NCAN: variants seen among roughly 807,000 people sequenced by gnomAD.
The protein encoded by NCAN is neurocan, also known as neurocan core protein.
NCAN carries 47 observed loss-of-function variants against 121.8 expected under a neutral mutation model. The observed-to-expected ratio is 0.39, with a 90% CI of 0.31 to 0.49. The LOEUF (loss-of-function observed/expected upper bound fraction) is 0.49, where lower values mean the gene tolerates loss of function less well. Among genes scored for constraint, NCAN ranks in the 20% least tolerant of loss-of-function variants. The probability of loss-of-function intolerance (pLI) is 0.92; values close to 1 mark genes in which losing one functional copy is unlikely to be tolerated. For missense variants in NCAN, 1,517 were observed against 1,773.4 expected, an observed-to-expected ratio of 0.86 and a Z score of 2.60; for synonymous variants, 633 against 702.0, an observed-to-expected ratio of 0.90 and a Z score of 1.55.
intron 13 of NCAN, among the ~76,000 whole-genome samples, chr19:19,246,361 G>A (rs1161810295): frequency 3.3e-5 from 5 of 152,134 alleles, no homozygotes; most frequent in African/African-American, 9.7e-5. Context: ...GTTGGTAAAT[G>A]TCAGTGCAGC....
chr19:19,223,361 T>C (rs904061376), intron 3 of NCAN, among the ~76,000 whole-genome samples: 1 of 152,332 alleles, frequency 6.6e-6, no homozygotes, highest in Non-Finnish European at 1.5e-5. Flanking sequence ...ATTTGCTGCG[T>C]GGGCCTGGAC....
rs142856081 is a variant in NCAN, at chr19:19,238,358, G to A, written c.3356G>A (p.Arg1119His). The change falls in exon 11 of 15, where the codon CGC (arginine) becomes CAC (histidine). Residue 1119 changes from arginine (R) to histidine (H), a missense_variant. Coordinates refer to ENST00000252575, the MANE Select transcript of NCAN (RefSeq NM_004386.3). ...GATGCCGAGAAGGACTGCCGCCGCC[G>A]CTCCGGCCACCTGACCAGCGTCCAC... ...WEDAEKDCRR[R>H]SGHLTSVHSP... is the part of the protein sequence containing the mutation. 15 of 1,614,062 alleles carry A rather than the reference G, an allele frequency of 9.3e-6. No homozygotes were observed. The highest frequency in any genetic ancestry group is 3.3e-5 in the Admixed American group (2 of 59,996).
In NCAN at chr19:19,219,029, T is replaced by C; in HGVS notation, c.188T>C (p.Leu63Pro). 1 of 1,611,302 alleles carries C rather than the reference T, an allele frequency of 6.2e-7. No individual in the cohort carries two copies. The highest frequency in any genetic ancestry group is 8.5e-7 in the Non-Finnish European group (1 of 1,178,440). Residue 63 changes from leucine to proline, a missense_variant, in exon 3 of 15, where the codon CTG becomes CCG. Transcript: ENST00000252575. ...ELVALPCLFT[L>P]QPRPSAARDA... is the part of the protein sequence containing the mutation. ...GTGGCCCTGCCCTGTCTCTTTACCC[T>C]GCAGCCACGGCCAAGCGCAGCCCGA... is the stretch of plus-strand genomic sequence containing the variant.
intron 13 of NCAN, among the ~76,000 whole-genome samples, chr19:19,246,778 G>A (rs1053128516): frequency 3.3e-5 from 5 of 152,036 alleles, no homozygotes; most frequent in African/African-American, 1.2e-4. Flanking sequence ...CTGACCTTAA[G>A]TAGTCTGCCT....
chr19:19,249,024 C>T, intron 14 of NCAN, 142 bp downstream of exon 14: 1 of 799,838 alleles, frequency 1.3e-6, no homozygotes, highest in Non-Finnish European at 2.0e-6. Context: ...AACTTACCAG[C>T]CTGTCTGATG....
At chr19:19,241,114 G>A (rs567293014) in intron 12 of NCAN, among the ~76,000 whole-genome samples, 1 of 152,158 alleles carries the variant, frequency 6.6e-6, no homozygotes, top group Non-Finnish European at 1.5e-5. Context: ...AAATTAGCTG[G>A]GTGTGGTGGC....
chr19:19,218,456 C>G (rs560351466), intron 2 of NCAN, among the ~76,000 whole-genome samples: 54 of 151,892 alleles, frequency 3.6e-4, no homozygotes, highest in African/African-American at 1.3e-3. Context: ...GAGTGAGACT[C>G]AATCTCTAAA....
intron 8 of NCAN, among the ~76,000 whole-genome samples, chr19:19,231,330 CTTTTTTTT>C: frequency 7.4e-6 from 1 of 134,758 alleles, no homozygotes; most frequent in East Asian, 2.2e-4. Context: ...CATGGGGTTT[CTTTTTTTT>C]TTTTTTTTGA....
rs545290348 is a variant in NCAN, at chr19:19,233,686, G to A, written c.3020-103G>A. On this transcript the variant is annotated intron_variant, in intron 8 of 14. Coordinates refer to ENST00000252575, the MANE Select transcript of NCAN (RefSeq NM_004386.3). ...GGGAAGTTATAAAGAGGGCTCCATAGAGAGGGTTTGATTAGAGTGGTTTGG... is the reference window on the plus strand; with the variant it reads ...GGGAAGTTATAAAGAGGGCTCCATAAAGAGGGTTTGATTAGAGTGGTTTGG... 836 of 727,082 alleles carry A rather than the reference G, an allele frequency of 1.1e-3. 11 individuals carry two copies. In the South Asian group the frequency reaches 0.012, roughly 10 times the overall value. The allele number at this position is 727,082 out of a possible 1,614,324, so 45.0% of individuals were successfully genotyped here.
Position 19,245,384 on chromosome 19 carries a change from G to A in NCAN, c.3564G>A (p.Val1188=), listed in dbSNP as rs2060920730. 2 of 1,614,096 alleles carry A rather than the reference G, an allele frequency of 1.2e-6. No homozygotes were observed. The highest frequency in any genetic ancestry group is 1.3e-5 in the African/African-American group (1 of 74,930). The change falls in exon 13 of 15, where the codon GTG becomes GTA. Residue 1188 remains valine (V), a synonymous_variant. Coordinates refer to ENST00000252575, the MANE Select transcript of NCAN (RefSeq NM_004386.3). ...GTGGCGAGGACTGTGTGGTGATGGT[G>A]GCGCATGAAAGCGGGCGCTGGAACG... is the stretch of plus-strand genomic sequence containing the variant. ...FAGGEDCVVM[V]AHESGRWNDV...
chr19:19,247,176 C>A (rs1315976994), intron 13 of NCAN, among the ~76,000 whole-genome samples: 1 of 151,818 alleles, frequency 6.6e-6, no homozygotes, highest in Admixed American at 6.6e-5. Context: ...CACTTGAACT[C>A]CAGGGCTCAA....
Position 19,225,248 on chromosome 19 carries a change from C to T in NCAN, c.1050C>T (p.Arg350=). 6.4e-7 allele frequency: 1 copy of T among 1,554,014 alleles called. No homozygotes were observed. Among genetic ancestry groups the T allele is most frequent in the Non-Finnish European group, 8.6e-7 (1 of 1,162,084 alleles). The stretch of plus-strand genomic sequence containing the variant: ...CCGGCTTCCCCTCACCCGCCGAGCG[C>T]TTCGACGCCTACTGCTTCCGAGGTG... ...NRTGFPSPAE[R]FDAYCFRAHH... Residue 350 remains arginine, a synonymous_variant, in exon 6 of 15, where the codon CGC becomes CGT. Transcript: ENST00000252575. This position sits in a 1 kb window ranked among gnomAD's most constrained non-coding sequence, Gnocchi z 4.0.
chr19:19,226,386 A>G, intron 6 of NCAN, 100 bp from the exon 7 acceptor site: 1 of 957,268 alleles, frequency 1.0e-6, no homozygotes, highest in Non-Finnish European at 1.6e-6. Flanking sequence ...AGGTACACAG[A>G]AGGCTTATGC....
intron 3 of NCAN, among the ~76,000 whole-genome samples, chr19:19,221,156 C>T (rs1250196432): frequency 6.6e-6 from 1 of 151,986 alleles, no homozygotes. Flanking sequence ...GGGAGGATTG[C>T]TTGAGTCCCA....
Position 19,236,647 on chromosome 19 carries a change from C to G in NCAN, c.3250+1551C>G, listed in dbSNP as rs1056622488. On this transcript the variant is annotated intron_variant, in intron 10 of 14. Coordinates refer to ENST00000252575, the MANE Select transcript of NCAN (RefSeq NM_004386.3). ...GTTTTGCCATGTTGCCCAGGCTGCT[C>G]TAAAACTCCTGGGTTCATGTGATCC... Among the ~76,000 whole-genome samples, 8 of 150,496 alleles carry G rather than the reference C, an allele frequency of 5.3e-5. No individual in the cohort carries two copies. In the East Asian group the frequency reaches 1.6e-3, roughly 29 times the overall value.
At position 19,227,269 on chromosome 19, in the gene NCAN, A is replaced by C. The variant is rs1440910674; in HGVS notation, c.1661-12A>C. 2 of 1,535,686 alleles carry C rather than the reference A, an allele frequency of 1.3e-6. No homozygotes were observed. The highest frequency in any genetic ancestry group is 1.8e-6 in the Non-Finnish European group (2 of 1,142,680). ...AGAGATCATTGTAATGATTGCCTTG[A>C]TGTTGTTGCAGGTTCTGCTGGTGGC... On this transcript the variant is annotated splice_polypyrimidine_tract_variant and intron_variant, in intron 7 of 14. Transcript: ENST00000252575. The surrounding 1 kb of genome is among the most constrained non-coding windows in gnomAD (Gnocchi z 4.2).
At chr19:19,226,376 A>G (rs1418088680) in intron 6 of NCAN, 110 bp from the exon 7 acceptor site, 21 of 861,910 alleles carry the variant, frequency 2.4e-5, no homozygotes, top group Non-Finnish European at 3.8e-5. Context: ...GGAGAGACAG[A>G]GGTACACAGA....
At chr19:19,237,121 C>T (rs1450507680) in intron 10 of NCAN, among the ~76,000 whole-genome samples, 2 of 151,500 alleles carry the variant, frequency 1.3e-5, no homozygotes, top group African/African-American at 4.9e-5. Context: ...TGGGGCCAGG[C>T]TGGTCTTGAA....
intron 12 of NCAN, among the ~76,000 whole-genome samples, chr19:19,244,379 C>T (rs1473234549): frequency 1.3e-5 from 2 of 150,364 alleles, no homozygotes; most frequent in Non-Finnish European, 2.9e-5. Context: ...TGCAACCCAG[C>T]TCACTGCAAC....
Sources: gnomAD v4.1 joint callset for allele counts (sites outside exome capture counted in the v4.1 genomes callset) on GRCh38, gnomAD v4.1.1 for gene constraint, Gnocchi (gnomAD v3.1) non-coding constraint, MANE v1.5 for transcripts, NCBI Gene and HGNC (gene_info 2026-07-23, HGNC 2026-07-21) for gene names.